The following PEAK3 variants were observed in gnomAD, a reference collection of about 807,000 sequenced individuals.
PEAK3 encodes protein PEAK3.
PEAK3 carries 15 observed loss-of-function variants against 13.3 expected under a neutral mutation model. That is an observed-to-expected ratio of 1.13 (90% confidence interval 0.75 to 1.73). PEAK3 has a LOEUF of 1.73. Among genes scored for constraint, PEAK3 ranks in the 40% most tolerant of loss-of-function variants. PEAK3 has a pLI of 0.00. For missense variants in PEAK3, 739 were observed against 690.2 expected (o/e 1.07, Z -0.79); for synonymous variants, 347 against 341.9 (o/e 1.01, Z -0.17).
At chr19:2,278,168 CTT>C (rs773451434) in intron 3 of PEAK3, among the ~76,000 whole-genome samples, 10 of 119,732 alleles carry the variant, frequency 8.4e-5, no homozygotes, top group Non-Finnish European at 8.8e-5. Context: ...CGGCCTTTTT[CTT>C]TTTTTTTTTT....
At chr19:2,276,563 G>GC in intron 3 of PEAK3, 74 bp from the exon 4 acceptor site, 1 of 1,310,250 alleles carries the variant, frequency 7.6e-7, no homozygotes, top group South Asian at 1.6e-5. Context: ...AGTGCTACCT[G>GC]CCCCGAAGCC....
rs1235240035 is a variant in PEAK3 at position 2,275,191 on chromosome 19, A to G, written c.*489T>C. On this transcript the variant is annotated 3_prime_UTR_variant, in exon 4 of 4. Transcript: ENST00000342063. Reference sequence around the variant, plus strand: ...GGGAGCCTTCCCTTCCCGTGACACCACCAAGCAATTCTCCACCAGGGACAG... The same window carrying G: ...GGGAGCCTTCCCTTCCCGTGACACCGCCAAGCAATTCTCCACCAGGGACAG... 6.6e-6 allele frequency: 1 copy of G among 152,452 alleles called. No individual in the cohort carries two copies. The highest frequency in any genetic ancestry group is 2.4e-5 in the African/African-American group (1 of 41,470). The allele number at this position is 152,452 out of a possible 1,614,324, so 9.4% of individuals were successfully genotyped here.
chr19:2,275,415 G>C lies in PEAK3; in HGVS notation c.*265C>G, dbSNP rs939003797. The C allele has an allele frequency of 1.2e-5, 4 of 345,094 alleles. No homozygotes were observed. The East Asian group carries it at 1.3e-4, about 11-fold the overall frequency. The allele number at this position is 345,094 out of a possible 1,614,324, so 21.4% of individuals were successfully genotyped here. A position where few individuals can be genotyped will look rare whatever the true frequency, so the allele number is the denominator to read the frequency against. ...GTTGTCCACACCTGGAAGTGGCGTG[G>C]GGGCCCTGGCTTCAGAGAGCTGCTG... On this transcript the variant is annotated 3_prime_UTR_variant, in exon 4 of 4. Coordinates refer to ENST00000342063, the MANE Select transcript of PEAK3 (RefSeq NM_198532.3).
In PEAK3 at chr19:2,275,822, CGCACCCGCAGCCAGGGCCCGA is replaced by C. The variant is rs2025379801; in HGVS notation, c.1259_1279del (p.Leu420_Val426del). ...TAGGCGCAGGACCAGCAGCCCGCGG[CGCACCCGCAGCCAGGGCCCGA>C]GCGCTCGGAGCCAGGGACCAAGCGG... is the stretch of plus-strand genomic sequence containing the variant. On this transcript the variant is annotated inframe_deletion, in exon 4 of 4. Transcript: ENST00000342063. 2 of 1,520,916 alleles carry C rather than the reference CGCACCCGCAGCCAGGGCCCGA, an allele frequency of 1.3e-6. No individual in the cohort carries two copies. Among genetic ancestry groups the C allele is most frequent in the Non-Finnish European group, 8.8e-7 (1 of 1,140,428 alleles). The allele number at this position is 1,520,916 out of a possible 1,614,324, so 94.2% of individuals were successfully genotyped here.
intron 3 of PEAK3, 22 bp from the exon 4 acceptor site, chr19:2,276,511 G>A (rs2025391856): frequency 1.4e-6 from 2 of 1,476,498 alleles, no homozygotes. Context: ...AGGGGGTGTC[G>A]GGGCCTGGAT....
intron 2 of PEAK3, among the ~76,000 whole-genome samples, 154 bp from the exon 3 acceptor site, chr19:2,279,267 G>C (rs953904037): frequency 1.3e-5 from 2 of 152,040 alleles, no homozygotes; most frequent in Non-Finnish European, 2.9e-5. Flanking sequence ...CACTTAGGAA[G>C]GTGGAAGCCG....
chr19:2,280,165 C>T (rs1238523689), intron 2 of PEAK3, among the ~76,000 whole-genome samples: 5 of 146,872 alleles, frequency 3.4e-5, no homozygotes, highest in South Asian at 4.3e-4. Flanking sequence ...CAGGTTCAAG[C>T]GATTCTCCTG....
chr19:2,276,610 A>G (rs974508481), intron 3 of PEAK3, 121 bp from the exon 4 acceptor site: 21 of 791,112 alleles, frequency 2.7e-5, no homozygotes, highest in East Asian at 5.9e-5. Context: ...CACTACGGCT[A>G]GGGGCTGCCT....
chr19:2,277,495 C>T (rs1427585784), intron 3 of PEAK3, among the ~76,000 whole-genome samples: 2 of 152,070 alleles, frequency 1.3e-5, no homozygotes, highest in Non-Finnish European at 2.9e-5. Flanking sequence ...CCAATTAAGG[C>T]CCTTTTCTCT....
intron 2 of PEAK3, 90 bp from the exon 3 acceptor site, chr19:2,279,203 T>G (rs558107964): frequency 2.6e-6 from 3 of 1,141,524 alleles, no homozygotes; most frequent in African/African-American, 3.2e-5. Context: ...TTTCCCCATC[T>G]CTAACATGGA....
intron 1 of PEAK3, 64 bp from the exon 2 acceptor site, chr19:2,280,999 A>AG: frequency 8.9e-7 from 1 of 1,120,052 alleles, no homozygotes; most frequent in Non-Finnish European, 1.3e-6. Context: ...CGACATGGGG[A>AG]GGGGTCCGTG....
At position 2,275,969 on chromosome 19, in the gene PEAK3, G is replaced by T; in HGVS notation, c.1133C>A (p.Ala378Glu). The T allele has an allele frequency of 1.4e-6, 2 of 1,416,522 alleles. No homozygotes were observed. Among genetic ancestry groups the T allele is most frequent in the Non-Finnish European group, 1.8e-6 (2 of 1,092,184 alleles). The allele number at this position is 1,416,522 out of a possible 1,614,324, so 87.7% of individuals were successfully genotyped here. A position where few individuals can be genotyped will look rare whatever the true frequency, so the allele number is the denominator to read the frequency against. ...GGGCCGCAAGCGGGTCAGCTGTGCTGCCAGGAGCTCCAGGCCCGCGGCCAA... is the reference window on the plus strand; with the variant it reads ...GGGCCGCAAGCGGGTCAGCTGTGCTTCCAGGAGCTCCAGGCCCGCGGCCAA... ...TPLAAGLELL[A>E]AQLTRLRPSA... The change falls in exon 4 of 4, where the codon GCA becomes GAA. Residue 378 changes from alanine (A) to glutamate (E), a missense_variant. Coordinates refer to ENST00000342063, the MANE Select transcript of PEAK3 (RefSeq NM_198532.3).
intron 2 of PEAK3, among the ~76,000 whole-genome samples, chr19:2,279,428 G>A (rs924976143): frequency 3.3e-5 from 5 of 152,144 alleles, no homozygotes; most frequent in Non-Finnish European, 7.3e-5. Flanking sequence ...AGGCCGAGAT[G>A]GGTGGATCAC....
Position 2,276,429 on chromosome 19 carries a change from A to G in PEAK3, c.673T>C (p.Ser225Pro). 1 of 1,590,556 alleles carries G rather than the reference A, an allele frequency of 6.3e-7. No homozygotes were observed. The highest frequency in any genetic ancestry group is 1.7e-5 in the Admixed American group (1 of 59,114). ...AGCCCCTGCAGATTGAAGTGTGGAG[A>G]CAGGGAGGCCTGCAGCTCCAGGCCC... is the stretch of plus-strand genomic sequence containing the variant. ...PWGLELQASL[S>P]PHFNLQGLCG... is the part of the protein sequence containing the mutation. The change falls in exon 4 of 4, where the codon TCT (serine) becomes CCT (proline). Residue 225 changes from serine (S) to proline (P), a missense_variant. Coordinates refer to ENST00000342063, the MANE Select transcript of PEAK3 (RefSeq NM_198532.3).
In PEAK3 at chr19:2,282,123, C is replaced by G. The variant is rs2025443771; in HGVS notation, c.-41G>C. On this transcript the variant is annotated 5_prime_UTR_variant, in exon 1 of 4. Coordinates refer to ENST00000342063, the MANE Select transcript of PEAK3 (RefSeq NM_198532.3). ...GCGTGCCCTCTGGGGGAGGAGGGGT[C>G]CGTGGGGACAAACTCCCAATGGCCA... The G allele has an allele frequency of 6.6e-6, 1 of 152,572 alleles. No homozygotes were observed. Among genetic ancestry groups the G allele is most frequent in the Non-Finnish European group, 1.5e-5 (1 of 68,330 alleles). The allele number at this position is 152,572 out of a possible 1,614,324, so 9.5% of individuals were successfully genotyped here.
At chr19:2,281,235 C>T (rs1364698730) in intron 1 of PEAK3, among the ~76,000 whole-genome samples, 2 of 146,304 alleles carry the variant, frequency 1.4e-5, no homozygotes, top group East Asian at 4.2e-4. Flanking sequence ...CTCTGGGCCC[C>T]TGCTGTGTGA....
At chr19:2,281,070 C>A in intron 1 of PEAK3, 135 bp from the exon 2 acceptor site, 2 of 573,038 alleles carry the variant, frequency 3.5e-6, no homozygotes, top group Non-Finnish European at 6.1e-6. Flanking sequence ...TGAGAACAGG[C>A]GCACCCACAC....
At position 2,274,802 on chromosome 19, in the gene PEAK3, C is replaced by G. The variant is rs986159723; in HGVS notation, c.*878G>C. 6.6e-6 allele frequency: 1 copy of G among 150,588 alleles called. No homozygotes were observed. The highest frequency in any genetic ancestry group is 2.4e-5 in the African/African-American group (1 of 41,188). 9.3% of individuals were successfully genotyped at this position (150,588 alleles called of 1,614,324 possible). On this transcript the variant is annotated 3_prime_UTR_variant, in exon 4 of 4. Transcript: ENST00000342063. ...CCTGGCTAACACGGAGAAACCCCGT[C>G]TCTACTAAAAATACAAAAAATTAGC...
At chr19:2,280,678 T>C (rs2025430975) in intron 2 of PEAK3, among the ~76,000 whole-genome samples, 172 bp downstream of exon 2, 1 of 152,130 alleles carries the variant, frequency 6.6e-6, no homozygotes, top group Non-Finnish European at 1.5e-5. Flanking sequence ...TTTTCAGCCC[T>C]GGCCTACTCC....
Sources: allele counts gnomAD v4.1 joint callset (sites outside exome capture counted in the v4.1 genomes callset), GRCh38; gene constraint gnomAD v4.1.1; transcripts MANE v1.5; gene names NCBI Gene and HGNC (gene_info 2026-07-23, HGNC 2026-07-21).